Variants in SLC27A2 observed in about 807,000 individuals in gnomAD.
The protein encoded by SLC27A2 is solute carrier family 27 member 2, also known as long-chain fatty acid transport protein 2.
SLC27A2 carries 54 observed loss-of-function variants against 60.0 expected under a neutral mutation model. That is an observed-to-expected ratio of 0.90 (90% CI 0.72 to 1.13). The LOEUF is 1.13. SLC27A2 is among the 50% of genes most tolerant of loss of function. The pLI, the probability that SLC27A2 is intolerant of heterozygous loss-of-function variation, is 0.00. For synonymous variants in SLC27A2, 297 were observed against 297.6 expected, an observed-to-expected ratio of 1.00 and a Z score of 0.02; for missense variants, 739 against 777.6, an observed-to-expected ratio of 0.95 and a Z score of 0.59.
intron 3 of SLC27A2, among the ~76,000 whole-genome samples, chr15:50,204,978 G>T (rs2045099491): frequency 6.7e-6 from 1 of 149,098 alleles, no homozygotes; most frequent in Non-Finnish European, 1.5e-5. Context: ...TCCCTCTTAG[G>T]ACTTCATTTG....
intron 4 of SLC27A2, among the ~76,000 whole-genome samples, chr15:50,213,841 C>T (rs12909764): frequency 0.28 from 42,517 of 151,792 alleles, 6,451 homozygotes; most frequent in Non-Finnish European, 0.36. Flanking sequence ...TAGCCCTAAA[C>T]GCCTGTAACA....
chr15:50,213,365 C>T (rs2140907245), intron 4 of SLC27A2, among the ~76,000 whole-genome samples: 1 of 152,228 alleles, frequency 6.6e-6, no homozygotes, highest in East Asian at 1.9e-4. Flanking sequence ...TGGGGGACTT[C>T]AATACTCCAC....
Position 50,236,217 on chromosome 15 carries a change from C to A in SLC27A2, c.*121C>A, listed in dbSNP as rs1802536. 106,747 of 743,338 alleles carry A rather than the reference C, an allele frequency of 0.14. 8,246 individuals carry two copies. The highest frequency in any genetic ancestry group is 0.21 in the African/African-American group (11,577 of 55,732). 46.0% of individuals were successfully genotyped at this position (743,338 alleles called of 1,614,324 possible). A position where few individuals can be genotyped will look rare whatever the true frequency, so the allele number is the denominator to read the frequency against. On this transcript the variant is annotated 3_prime_UTR_variant, in exon 10 of 10. Transcript: ENST00000267842. Reference sequence around the variant, plus strand: ...AAATTTTGTAGGAAATTTGCATACCCGTAAAGGGAGACTTTTTTAAATAAC... The same window carrying A: ...AAATTTTGTAGGAAATTTGCATACCAGTAAAGGGAGACTTTTTTAAATAAC...
chr15:50,183,929 G>T (rs1272966354), intron 1 of SLC27A2, among the ~76,000 whole-genome samples: 1 of 148,162 alleles, frequency 6.7e-6, no homozygotes, highest in African/African-American at 2.5e-5. Context: ...ATACAGTTGA[G>T]AAAACTGAGG....
At position 50,182,240 on chromosome 15, in the gene SLC27A2, C is replaced by T; in HGVS notation, c.-188C>T. ...GGCAACGCGCATACGACTACACCTG[C>T]TCCGGAGCCCGCGGCGGTACCTGCA... On this transcript the variant is annotated 5_prime_UTR_variant, in exon 1 of 10. Coordinates refer to ENST00000267842, the MANE Select transcript of SLC27A2 (RefSeq NM_003645.4). 1.0e-6 allele frequency: 1 copy of T among 956,570 alleles called. No individual in the cohort carries two copies. The highest frequency in any genetic ancestry group is 1.4e-6 in the Non-Finnish European group (1 of 728,440). The allele number at this position is 956,570 out of a possible 1,614,324, so 59.3% of individuals were successfully genotyped here.
At chr15:50,204,611 T>G (rs1170106329) in intron 3 of SLC27A2, among the ~76,000 whole-genome samples, 1 of 151,726 alleles carries the variant, frequency 6.6e-6, no homozygotes, top group Non-Finnish European at 1.5e-5. Context: ...CACGCGCCTG[T>G]AATCCCAGCT....
intron 8 of SLC27A2, among the ~76,000 whole-genome samples, chr15:50,230,409 G>A (rs965182227): frequency 6.6e-6 from 1 of 151,840 alleles, no homozygotes; most frequent in Non-Finnish European, 1.5e-5. Context: ...CAGGGGTGGT[G>A]GCTCCCATCT....
Position 50,182,914 on chromosome 15 carries a change from C to T in SLC27A2, c.478+9C>T. The T allele has an allele frequency of 1.3e-6, 2 of 1,593,900 alleles. No individual in the cohort carries two copies. The highest frequency in any genetic ancestry group is 2.3e-5 in the South Asian group (2 of 88,864). Reference sequence around the variant, plus strand: ...GCTGCTGGTGTCGCCAGGTGAGCCCCGAGGATCGCCCTGCCCTGGCACCAG... The same window carrying T: ...GCTGCTGGTGTCGCCAGGTGAGCCCTGAGGATCGCCCTGCCCTGGCACCAG... On this transcript the variant is annotated intron_variant, in intron 1 of 9. Transcript: ENST00000267842.
At chr15:50,199,102 C>T (rs1444347073) in intron 2 of SLC27A2, among the ~76,000 whole-genome samples, 1 of 152,128 alleles carries the variant, frequency 6.6e-6, no homozygotes. Context: ...GCTTCTGCTG[C>T]ATGCAGACAC....
intron 1 of SLC27A2, among the ~76,000 whole-genome samples, chr15:50,189,547 G>A (rs1246596844): frequency 6.6e-6 from 1 of 152,196 alleles, no homozygotes; most frequent in African/African-American, 2.4e-5. Flanking sequence ...CTTAACTAAA[G>A]CTTGCAAAGG....
chr15:50,209,923 A>G lies in SLC27A2; in HGVS notation c.972+4560A>G, dbSNP rs896445006. ...ACATTGCAACCATGAACTACATAGTATAGGAAGCTAAAAGATAACAGTGAC... is the reference window on the plus strand; with the variant it reads ...ACATTGCAACCATGAACTACATAGTGTAGGAAGCTAAAAGATAACAGTGAC... On this transcript the variant is annotated intron_variant, in intron 4 of 9. Coordinates refer to ENST00000267842, the MANE Select transcript of SLC27A2 (RefSeq NM_003645.4). Among the ~76,000 whole-genome samples, 3 of 152,312 alleles carry G rather than the reference A, an allele frequency of 2.0e-5. No individual in the cohort carries two copies. The East Asian group carries it at 5.8e-4, about 29-fold the overall frequency.
rs199944755 is a variant in SLC27A2 at position 50,226,099 on chromosome 15, A to G, written c.1258+21A>G. 14 of 1,439,240 alleles carry G rather than the reference A, an allele frequency of 9.7e-6. No homozygotes were observed. The African/African-American group carries it at 1.4e-4, about 14-fold the overall frequency. The allele number at this position is 1,439,240 out of a possible 1,614,324, so 89.2% of individuals were successfully genotyped here. A position where few individuals can be genotyped will look rare whatever the true frequency, so the allele number is the denominator to read the frequency against. Reference sequence around the variant, plus strand: ...CAAAGGTACAGTGGACTTTTGTTCAATCAACCTGTGCCCCTTCTTATCTTG... The same window carrying G: ...CAAAGGTACAGTGGACTTTTGTTCAGTCAACCTGTGCCCCTTCTTATCTTG... On this transcript the variant is annotated intron_variant, in intron 6 of 9. Transcript: ENST00000267842.
chr15:50,202,195 A>C (rs376714792), intron 2 of SLC27A2, among the ~76,000 whole-genome samples: 176 of 152,286 alleles, frequency 1.2e-3, no homozygotes, highest in Middle Eastern at 6.8e-3. Context: ...TTTGTAAATA[A>C]AGTTTTATTG....
intron 1 of SLC27A2, among the ~76,000 whole-genome samples, chr15:50,195,663 A>AT (rs1291523884): frequency 6.6e-6 from 1 of 151,958 alleles, no homozygotes; most frequent in Non-Finnish European, 1.5e-5. Flanking sequence ...ATTTTTTTAA[A>AT]TTTTAAATGC....
intron 1 of SLC27A2, among the ~76,000 whole-genome samples, chr15:50,185,906 G>A (rs2044917852): frequency 6.6e-6 from 1 of 151,994 alleles, no homozygotes; most frequent in African/African-American, 2.4e-5. Context: ...TGGGATTACA[G>A]GCGTGAGCCA....
At chr15:50,210,867 C>A (rs1472219337) in intron 4 of SLC27A2, among the ~76,000 whole-genome samples, 1 of 152,130 alleles carries the variant, frequency 6.6e-6, no homozygotes, top group Non-Finnish European at 1.5e-5. Flanking sequence ...GCCAACTTTC[C>A]CCCACTTCCC....
At chr15:50,204,748 A>G (rs1279941734) in intron 3 of SLC27A2, among the ~76,000 whole-genome samples, 1 of 151,094 alleles carries the variant, frequency 6.6e-6, no homozygotes, top group Non-Finnish European at 1.5e-5. Context: ...AAGAAAAAAA[A>G]ATAGAGCAAG....
intron 4 of SLC27A2, among the ~76,000 whole-genome samples, chr15:50,215,353 T>G (rs1462058341): frequency 6.6e-6 from 1 of 152,180 alleles, no homozygotes; most frequent in Admixed American, 6.5e-5. Flanking sequence ...TGCTCATGGC[T>G]GGGTAGAATC....
intron 2 of SLC27A2, among the ~76,000 whole-genome samples, chr15:50,198,881 C>T (rs1326447748): frequency 6.6e-6 from 1 of 152,144 alleles, no homozygotes; most frequent in Non-Finnish European, 1.5e-5. Flanking sequence ...GACAGGCCCT[C>T]AGCACCCACC....
Sources: gnomAD v4.1 joint callset for allele counts (sites outside exome capture counted in the v4.1 genomes callset) on GRCh38, gnomAD v4.1.1 for gene constraint, MANE v1.5 for transcripts, NCBI Gene and HGNC (gene_info 2026-07-23, HGNC 2026-07-21) for gene names.